Variants in MPDZ observed in about 807,000 individuals in gnomAD.
The protein encoded by MPDZ is multiple PDZ domain crumbs cell polarity complex component.
A neutral mutation model predicts 239.1 loss-of-function variants in MPDZ; 234 were observed. That is an observed-to-expected ratio of 0.98 (90% CI 0.88 to 1.09). MPDZ has a LOEUF of 1.09. Ranked by LOEUF, MPDZ falls within the 50% of genes least tolerant of loss-of-function variation. The pLI is 0.00. For synonymous variants in MPDZ, 1,048 were observed against 881.3 expected (o/e 1.19, Z -3.35); for missense variants, 3,175 against 2,510.0 (o/e 1.26, Z -5.66).
intron 3 of MPDZ, among the ~76,000 whole-genome samples, chr9:13,245,962 G>C: frequency 6.6e-6 from 1 of 152,116 alleles, no homozygotes; most frequent in Admixed American, 6.5e-5. Context: ...CAACAGACTT[G>C]CTAGCACTCT....
At chr9:13,269,453 T>C (rs1328464350) in intron 1 of MPDZ, among the ~76,000 whole-genome samples, 1 of 152,152 alleles carries the variant, frequency 6.6e-6, no homozygotes, top group Non-Finnish European at 1.5e-5. Flanking sequence ...TTAAAAATCC[T>C]AGTGGAATCA....
intron 44 of MPDZ, among the ~76,000 whole-genome samples, chr9:13,110,368 C>T (rs1311123429): frequency 3.3e-5 from 5 of 152,166 alleles, no homozygotes; most frequent in African/African-American, 1.2e-4. Context: ...GCTAGCACCA[C>T]TTAAAATTCC....
Position 13,186,386 on chromosome 9 carries a change from G to C in MPDZ, c.2365C>G (p.Leu789Val). The change falls in exon 18 of 47, where the codon CTT becomes GTT. Residue 789 changes from leucine (L) to valine (V), a missense_variant and splice_region_variant. Physicochemically the swap from Leu to Val is conservative, Grantham distance 32 (BLOSUM62 1). Coordinates refer to ENST00000319217, the MANE Select transcript of MPDZ (RefSeq NM_001378778.1). ...GAAACATAACCTTCTTCTGGTGAAA[G>C]CTGCAGGGAAAAAATGGTATTCATG... is the stretch of plus-strand genomic sequence containing the variant. Reference protein sequence around the residue: ...VRIGVAKPLPLSPEEGYVSAK... With the variant: ...VRIGVAKPLPVSPEEGYVSAK... The C allele has an allele frequency of 6.4e-7, 1 of 1,550,598 alleles. No individual in the cohort carries two copies. The highest frequency in any genetic ancestry group is 8.8e-7 in the Non-Finnish European group (1 of 1,140,642).
At chr9:13,190,060 T>C in intron 16 of MPDZ, 54 bp downstream of exon 16, 1 of 1,496,928 alleles carries the variant, frequency 6.7e-7, no homozygotes, top group South Asian at 1.2e-5. Flanking sequence ...ATCTGCTTTT[T>C]CTTTGATAGC....
intron 12 of MPDZ, among the ~76,000 whole-genome samples, chr9:13,196,668 T>C (rs944490536): frequency 6.6e-6 from 1 of 151,998 alleles, no homozygotes; most frequent in Non-Finnish European, 1.5e-5. Flanking sequence ...AATCAACAAA[T>C]AATATATGTA....
intron 3 of MPDZ, among the ~76,000 whole-genome samples, chr9:13,234,002 C>T (rs752739302): frequency 7.6e-5 from 11 of 144,898 alleles, no homozygotes; most frequent in Non-Finnish European, 1.2e-4. Flanking sequence ...ATATTTTAAT[C>T]TCTGTAATAC....
In MPDZ at chr9:13,106,218, G is replaced by C. The variant is rs1733371466; in HGVS notation, c.*747C>G. On this transcript the variant is annotated 3_prime_UTR_variant, in exon 47 of 47. Coordinates refer to ENST00000319217, the MANE Select transcript of MPDZ (RefSeq NM_001378778.1). ...GAAAAACCATAGTCAACATGGGGTGGCATCATCATTTACTTATAGCAACAT... is the reference window on the plus strand; with the variant it reads ...GAAAAACCATAGTCAACATGGGGTGCCATCATCATTTACTTATAGCAACAT... 6.6e-6 allele frequency: 1 copy of C among 152,144 alleles called. No individual in the cohort carries two copies. The highest frequency in any genetic ancestry group is 6.5e-5 in the Admixed American group (1 of 15,282). 9.4% of individuals were successfully genotyped at this position (152,144 alleles called of 1,614,324 possible).
intron 32 of MPDZ, among the ~76,000 whole-genome samples, chr9:13,129,988 A>C (rs559444924): frequency 2.0e-5 from 3 of 152,254 alleles, no homozygotes; most frequent in Non-Finnish European, 4.4e-5. Context: ...ACTTCTCTAA[A>C]ATTCAAAAGA....
intron 41 of MPDZ, 47 bp downstream of exon 41, chr9:13,113,884 T>A: frequency 6.9e-7 from 1 of 1,442,534 alleles, no homozygotes; most frequent in Admixed American, 2.0e-5. Flanking sequence ...AAAATCAGTG[T>A]TGACAGCCAA....
Position 13,193,332 on chromosome 9 carries a change from A to T in MPDZ, c.1657-19T>A, listed in dbSNP as rs1284092759. 40 of 1,568,270 alleles carry T rather than the reference A, an allele frequency of 2.6e-5. No homozygotes were observed. The highest frequency in any genetic ancestry group is 3.5e-5 in the Non-Finnish European group (40 of 1,158,982). On this transcript the variant is annotated intron_variant, in intron 13 of 46. Transcript: ENST00000319217. Reference sequence around the variant, plus strand: ...GGGCCACCTGAAAAGAAAAAAAAAAAGATCACCACAATTTTTATATTCTTT... The same window carrying T: ...GGGCCACCTGAAAAGAAAAAAAAAATGATCACCACAATTTTTATATTCTTT...
At chr9:13,229,009 A>G (rs1961547481) in intron 3 of MPDZ, among the ~76,000 whole-genome samples, 1 of 152,104 alleles carries the variant, frequency 6.6e-6, no homozygotes, top group African/African-American at 2.4e-5. Context: ...TTCCAGAAGA[A>G]ATGGACAGTA....
intron 10 of MPDZ, among the ~76,000 whole-genome samples, chr9:13,206,384 T>C (rs982663889): frequency 2.0e-5 from 3 of 151,932 alleles, no homozygotes; most frequent in Admixed American, 2.0e-4. Flanking sequence ...CAGGCTTCTA[T>C]GCCTTTTTTT....
At chr9:13,152,940 C>T (rs568640099) in intron 24 of MPDZ, among the ~76,000 whole-genome samples, 6 of 152,080 alleles carry the variant, frequency 3.9e-5, no homozygotes, top group Non-Finnish European at 8.8e-5. Flanking sequence ...CTAGATGAGT[C>T]AGAGTTCAGG....
rs1231121313 is a variant in MPDZ at position 13,150,582 on chromosome 9, T to C, written c.3559A>G (p.Ile1187Val). Residue 1187 changes from isoleucine to valine, a missense_variant, in exon 25 of 47, where the codon ATC (isoleucine) becomes GTC (valine). By Grantham distance (29) the Ile-to-Val change is conservative. Coordinates refer to ENST00000319217, the MANE Select transcript of MPDZ (RefSeq NM_001378778.1). ...GGACTATCTTCCAGAACATGTTTGATGAAAATGCCCCTCATCACTTCTCCA... is the reference window on the plus strand; with the variant it reads ...GGACTATCTTCCAGAACATGTTTGACGAAAATGCCCCTCATCACTTCTCCA... ...SNGEVMRGIF[I>V]KHVLEDSPAG... 3.8e-6 allele frequency: 6 copies of C among 1,564,280 alleles called. No homozygotes were observed. In the East Asian group the frequency reaches 7.1e-5, roughly 18 times the overall value.
Position 13,140,041 on chromosome 9 carries a change from C to T in MPDZ, c.3949G>A (p.Ala1317Thr), listed in dbSNP as rs1389989548. The T allele has an allele frequency of 6.2e-7, 1 of 1,612,948 alleles. No individual in the cohort carries two copies. The highest frequency in any genetic ancestry group is 8.5e-7 in the Non-Finnish European group (1 of 1,179,676). ...TCCACATCTTGTGAGATTTTGCTTG[C>T]AGATGACTGTGTGTGATCACTACCC... ...EMGSDHTQSSASKISQDVDKE... is the reference protein window; with the variant it reads ...EMGSDHTQSSTSKISQDVDKE... The change falls in exon 28 of 47, where the codon GCA (alanine) becomes ACA (threonine). Residue 1317 changes from alanine (A) to threonine (T), a missense_variant. Coordinates refer to ENST00000319217, the MANE Select transcript of MPDZ (RefSeq NM_001378778.1).
intron 27 of MPDZ, among the ~76,000 whole-genome samples, chr9:13,141,580 T>C (rs962631583): frequency 6.6e-6 from 1 of 152,196 alleles, no homozygotes; most frequent in African/African-American, 2.4e-5. Flanking sequence ...TATATGTTTA[T>C]ATCTAGAAAA....
intron 2 of MPDZ, 67 bp from the exon 3 acceptor site, chr9:13,247,868 C>G: frequency 2.9e-6 from 4 of 1,386,298 alleles, no homozygotes; most frequent in Non-Finnish European, 3.9e-6. Context: ...TAAGAGGACT[C>G]CATCTTGTAG....
Position 13,115,317 on chromosome 9 carries a change from T to A in MPDZ, c.5397A>T (p.Val1799=). The A allele has an allele frequency of 6.2e-7, 1 of 1,612,690 alleles. No individual in the cohort carries two copies. ...CTTTGATTCTTCCAACTTCCAAGGT[T>A]ACTGTGCCTAGGGAACACTGGGGGT... ...AALLKCSLGT[V]TLEVGRIKAG... is the part of the protein sequence containing the mutation. Residue 1799 remains valine, a synonymous_variant, in exon 40 of 47, where the codon GTA becomes GTT. Coordinates refer to ENST00000319217, the MANE Select transcript of MPDZ (RefSeq NM_001378778.1).
chr9:13,231,284 G>A (rs78465710), intron 3 of MPDZ, among the ~76,000 whole-genome samples: 5,108 of 152,192 alleles, frequency 0.034, 121 homozygotes, highest in Non-Finnish European at 0.047. Context: ...TCAATAGTTT[G>A]GCCAGGTGCA....
Sources: allele counts gnomAD v4.1 joint callset (sites outside exome capture counted in the v4.1 genomes callset), GRCh38; gene constraint gnomAD v4.1.1; transcripts MANE v1.5; gene names NCBI Gene and HGNC (gene_info 2026-07-23, HGNC 2026-07-21).